Variants in CPEB1 observed in about 807,000 individuals in gnomAD.
CPEB1 encodes cytoplasmic polyadenylation element-binding protein 1.
Under a neutral mutation model 65.8 loss-of-function variants are expected in CPEB1, and 7 were observed. The ratio of observed to expected loss-of-function variants is 0.11; its 90% CI spans 0.06 to 0.20. The LOEUF (loss-of-function observed/expected upper bound fraction) is 0.20. Ranked by LOEUF, CPEB1 falls within the 10% of genes least tolerant of loss-of-function variation. The pLI, the probability that CPEB1 is intolerant of heterozygous loss-of-function variation, is 1.00. For synonymous variants in CPEB1, 262 were observed against 260.0 expected (o/e 1.01, Z -0.08); for missense variants, 551 against 712.2 (o/e 0.77, Z 2.58).
At chr15:82,567,879 G>A (rs569240498) in intron 4 of CPEB1, among the ~76,000 whole-genome samples, 1 of 152,264 alleles carries the variant, frequency 6.6e-6, no homozygotes, top group East Asian at 1.9e-4. Flanking sequence ...TCGCAAGGGG[G>A]AAGGCAGGAA....
At chr15:82,645,955 G>A (rs1002795789) in intron 1 of CPEB1, among the ~76,000 whole-genome samples, 10 of 151,976 alleles carry the variant, frequency 6.6e-5, no homozygotes, top group Non-Finnish European at 1.0e-4. Context: ...TCAGCTCCAA[G>A]CCAGCTCAAT....
chr15:82,574,656 G>A (rs1371066385), intron 3 of CPEB1, among the ~76,000 whole-genome samples: 4 of 143,268 alleles, frequency 2.8e-5, no homozygotes, highest in Non-Finnish European at 6.0e-5. Flanking sequence ...AGGAAGGGGA[G>A]AGGTTGCAGT....
Position 82,547,137 on chromosome 15 carries a change from A to C in CPEB1, c.1575+6T>G. The C allele has an allele frequency of 6.2e-7, 1 of 1,605,958 alleles. No individual in the cohort carries two copies. The highest frequency in any genetic ancestry group is 1.3e-5 in the African/African-American group (1 of 74,758). On this transcript the variant is annotated splice_donor_region_variant and intron_variant, in intron 11 of 12. Coordinates refer to ENST00000684509, the MANE Select transcript of CPEB1 (RefSeq NM_001365242.1). ...CCAGAGTAAGGGCATAAACCAGCCA[A>C]CTCACCTTCTTTGTGAACTTGGTGG...
intron 3 of CPEB1, among the ~76,000 whole-genome samples, chr15:82,624,084 T>C (rs2045546103): frequency 6.6e-6 from 1 of 152,206 alleles, no homozygotes. Context: ...TAGAAAAATA[T>C]ATATCCTAGT....
intron 3 of CPEB1, among the ~76,000 whole-genome samples, chr15:82,626,937 T>C (rs1047722186): frequency 6.6e-6 from 1 of 152,254 alleles, no homozygotes; most frequent in African/African-American, 2.4e-5. Context: ...TTTATATAAA[T>C]ACTTGTGTAA....
rs2043627360 is a variant in CPEB1, at chr15:82,606,600, C to T, written c.271+20593G>A. ...TTGGGAGGCCGAGGCGGGCGGATCA[C>T]GAGGTCAGGAGATCGAGACCATCCC... On this transcript the variant is annotated intron_variant, in intron 3 of 12. Transcript: ENST00000684509. Among the ~76,000 whole-genome samples the T allele has an allele frequency of 6.3e-5, 3 of 47,634 alleles. 1 individual carries two copies. Among genetic ancestry groups the T allele is most frequent in the Middle Eastern group, 0.021 (2 of 96 alleles). 31.2% of individuals were successfully genotyped at this position (47,634 alleles called of 152,430 possible). A position where few individuals can be genotyped will look rare whatever the true frequency, so the allele number is the denominator to read the frequency against.
At chr15:82,648,250 C>T (rs1436091956), upstream of CPEB1, 2 of 219,522 alleles carry the variant, frequency 9.1e-6, no homozygotes, top group Non-Finnish European at 8.9e-6. Context: ...CACTGTCTGC[C>T]CTGGGCCTCA....
At chr15:82,612,345 A>C (rs1039599302) in intron 3 of CPEB1, among the ~76,000 whole-genome samples, 1 of 151,880 alleles carries the variant, frequency 6.6e-6, no homozygotes, top group Non-Finnish European at 1.5e-5. Flanking sequence ...AAAAATACAA[A>C]AATTAGCCAG....
intron 3 of CPEB1, chr15:82,572,878 G>T: frequency 1.5e-6 from 1 of 675,618 alleles, no homozygotes; most frequent in Non-Finnish European, 2.3e-6. Context: ...TCAGCTTCTG[G>T]AGCTTCCGCC....
intron 3 of CPEB1, among the ~76,000 whole-genome samples, chr15:82,614,094 G>C (rs112786421): frequency 6.6e-6 from 1 of 150,622 alleles, no homozygotes; most frequent in Admixed American, 6.6e-5. Flanking sequence ...ACGGCCCCAG[G>C]GGCTGCTGGA....
chr15:82,602,646 G>A (rs974432503), intron 3 of CPEB1, among the ~76,000 whole-genome samples: 26 of 152,278 alleles, frequency 1.7e-4, no homozygotes, highest in Middle Eastern at 6.8e-3. Context: ...AGGAGTTTGA[G>A]ACCAGCCTGG....
At chr15:82,620,947 T>C (rs1404863569) in intron 3 of CPEB1, among the ~76,000 whole-genome samples, 1 of 152,216 alleles carries the variant, frequency 6.6e-6, no homozygotes, top group East Asian at 1.9e-4. Flanking sequence ...ATTCAGTGAA[T>C]AGTACACTCA....
chr15:82,583,828 AATAAT>A (rs749509772), intron 3 of CPEB1, among the ~76,000 whole-genome samples: 9 of 152,348 alleles, frequency 5.9e-5, no homozygotes, highest in Non-Finnish European at 7.3e-5. Flanking sequence ...ATAAAATAGT[AATAAT>A]ATTGAAATAG....
chr15:82,565,155 G>A, intron 4 of CPEB1, among the ~76,000 whole-genome samples: 1 of 152,196 alleles, frequency 6.6e-6, no homozygotes, highest in East Asian at 1.9e-4. Context: ...TCAACCCACA[G>A]AACAAGTGAA....
intron 3 of CPEB1, among the ~76,000 whole-genome samples, chr15:82,607,225 C>T (rs2043699720): frequency 6.6e-6 from 1 of 152,078 alleles, no homozygotes; most frequent in African/African-American, 2.4e-5. Flanking sequence ...GACAGACTGA[C>T]AGAATGGACT....
At chr15:82,572,867 T>C (rs1161042391) in intron 3 of CPEB1, 1 of 620,820 alleles carries the variant, frequency 1.6e-6, no homozygotes, top group Non-Finnish European at 2.6e-6. Context: ...ACTAAGAAAA[T>C]TCAGCTTCTG....
chr15:82,577,853 A>G (rs1318470684), intron 3 of CPEB1, among the ~76,000 whole-genome samples: 1 of 151,452 alleles, frequency 6.6e-6, no homozygotes, highest in East Asian at 2.0e-4. Flanking sequence ...TGATAAAGCT[A>G]TATTGGGCCA....
intron 3 of CPEB1, among the ~76,000 whole-genome samples, chr15:82,600,438 G>A (rs1480290983): frequency 6.6e-6 from 1 of 151,798 alleles, no homozygotes; most frequent in Admixed American, 6.6e-5. Flanking sequence ...AACCCACATG[G>A]AAGAGAAATT....
chr15:82,648,064 G>T, upstream of CPEB1: 1 of 397,864 alleles, frequency 2.5e-6, no homozygotes, highest in Non-Finnish European at 4.3e-6. Context: ...GGCCCCGCCC[G>T]GGCCCTCGCC....
Sources: gnomAD v4.1 joint callset for allele counts (sites outside exome capture counted in the v4.1 genomes callset) on GRCh38, gnomAD v4.1.1 for gene constraint, MANE v1.5 for transcripts, NCBI Gene and HGNC (gene_info 2026-07-23, HGNC 2026-07-21) for gene names.